The following DNMT3A variants were observed in gnomAD, a reference collection of about 807,000 sequenced individuals.
DNMT3A encodes DNA methyltransferase 3 alpha.
Under a neutral mutation model 117.6 loss-of-function variants are expected in DNMT3A, and 267 were observed. The ratio of observed to expected loss-of-function variants is 2.27; its 90% CI spans 2.05 to 2.51. The LOEUF (loss-of-function observed/expected upper bound fraction) is 2.51. Ranked by LOEUF, DNMT3A falls within the 30% of genes most tolerant of loss-of-function variation. The pLI is 0.00. For missense variants in DNMT3A, 1,029 were observed against 1,260.2 expected, an observed-to-expected ratio of 0.82 and a Z score of 2.78; for synonymous variants, 432 against 474.8, an observed-to-expected ratio of 0.91 and a Z score of 1.17.
At chr2:25,326,642 T>C (rs1382355727) in intron 1 of DNMT3A, among the ~76,000 whole-genome samples, 1 of 152,196 alleles carries the variant, frequency 6.6e-6, no homozygotes, top group African/African-American at 2.4e-5. Context: ...GTTCCTGCAT[T>C]GTATACAACT....
chr2:25,248,000 G>C lies in DNMT3A; in HGVS notation c.855+37C>G, dbSNP rs2149309723. 1 of 1,611,224 alleles carries C rather than the reference G, an allele frequency of 6.2e-7. No homozygotes were observed. The highest frequency in any genetic ancestry group is 8.5e-7 in the Non-Finnish European group (1 of 1,179,658). On this transcript the variant is annotated intron_variant, in intron 7 of 22. Coordinates refer to ENST00000321117, the MANE Select transcript of DNMT3A (RefSeq NM_022552.5). This position sits in a 1 kb window ranked among gnomAD's most constrained non-coding sequence, Gnocchi z 5.6. ...AGGAGCTGGCAGTGGAAGGCCCCCG[G>C]AAAGAGCTGGCCACGGCTGGTGAAG...
intron 6 of DNMT3A, among the ~76,000 whole-genome samples, chr2:25,249,400 C>A (rs906195651): frequency 6.6e-6 from 1 of 152,224 alleles, no homozygotes; most frequent in Non-Finnish European, 1.5e-5. Context: ...TGCTCAAACA[C>A]CATAGGAAGC....
intron 2 of DNMT3A, among the ~76,000 whole-genome samples, chr2:25,300,764 T>TAA (rs2033463525): frequency 6.5e-5 from 4 of 61,944 alleles, no homozygotes; most frequent in Admixed American, 2.1e-4. Flanking sequence ...TATATATATA[T>TAA]ATATAAATAA....
chr2:25,282,189 T>C lies in DNMT3A; in HGVS notation c.448+252A>G. ...TTTCATGAGAAGCCAAAACTCCAGA[T>C]TTTTATGTGAAATTTTTTGATTTTT... On this transcript the variant is annotated intron_variant, in intron 4 of 22. Transcript: ENST00000321117. The surrounding 1 kb of genome is among the most constrained non-coding windows in gnomAD (Gnocchi z 5.2). The C allele has an allele frequency of 5.7e-6, 7 of 1,237,166 alleles. No homozygotes were observed. Among genetic ancestry groups the C allele is most frequent in the Non-Finnish European group, 7.2e-6 (7 of 975,860 alleles). 76.6% of individuals were successfully genotyped at this position (1,237,166 alleles called of 1,614,324 possible).
intron 2 of DNMT3A, among the ~76,000 whole-genome samples, chr2:25,302,605 AG>A (rs1217660181): frequency 1.3e-5 from 2 of 152,154 alleles, no homozygotes; most frequent in African/African-American, 4.8e-5. Context: ...AGCCTTCATG[AG>A]GGCTCAGGGT....
rs1283507922 is a variant in DNMT3A, at chr2:25,243,895, C to T, written c.1936+3G>A. 3.9e-6 allele frequency: 6 copies of T among 1,551,930 alleles called. No individual in the cohort carries two copies. Among genetic ancestry groups the T allele is most frequent in the Non-Finnish European group, 5.2e-6 (6 of 1,147,028 alleles). Reference sequence around the variant, plus strand: ...CAGCACCTCTTGGGCCTGCACCCCTCACCTGTAGCGATTCCATCAAAGAGA... The same window carrying T: ...CAGCACCTCTTGGGCCTGCACCCCTTACCTGTAGCGATTCCATCAAAGAGA... On this transcript the variant is annotated splice_donor_region_variant and intron_variant, in intron 16 of 22. Transcript: ENST00000321117.
chr2:25,246,675 T>C lies in DNMT3A; in HGVS notation c.1224A>G (p.Glu408=), dbSNP rs1553413459. ...AAGGCTGGAAGCCCCCCAGGGCCCA[T>C]TCAATCATGGGCTTGTTCTGCACCT... The part of the protein sequence containing the change: ...AVEVQNKPMI[E]WALGGFQPSG... Residue 408 remains glutamate (E), a synonymous_variant, in exon 10 of 23, where the codon GAA becomes GAG. Coordinates refer to ENST00000321117, the MANE Select transcript of DNMT3A (RefSeq NM_022552.5). The C allele has an allele frequency of 1.2e-6, 2 of 1,613,668 alleles. No individual in the cohort carries two copies. Among genetic ancestry groups the C allele is most frequent in the Non-Finnish European group, 1.7e-6 (2 of 1,179,992 alleles).
rs907744546 is a variant in DNMT3A, at chr2:25,234,042, T to G, written c.*237A>C. On this transcript the variant is annotated 3_prime_UTR_variant, in exon 23 of 23. Transcript: ENST00000321117. This position sits in a 1 kb window ranked among gnomAD's most constrained non-coding sequence, Gnocchi z 4.5. ...GGAGGAAGGGAAGGGAGCTTGGTTT[T>G]GTTTTTAAATAGGACTGAAGAATAA... The G allele has an allele frequency of 1.1e-4, 51 of 447,092 alleles. No homozygotes were observed. The highest frequency in any genetic ancestry group is 1.8e-4 in the Non-Finnish European group (49 of 279,004). 27.7% of individuals were successfully genotyped at this position (447,092 alleles called of 1,614,324 possible). A position where few individuals can be genotyped will look rare whatever the true frequency, so the allele number is the denominator to read the frequency against.
At chr2:25,261,650 T>A (rs1053411647) in intron 6 of DNMT3A, among the ~76,000 whole-genome samples, 5 of 150,704 alleles carry the variant, frequency 3.3e-5, no homozygotes, top group African/African-American at 1.2e-4. Flanking sequence ...AATAGAAATG[T>A]ATATATTGTA....
intron 2 of DNMT3A, among the ~76,000 whole-genome samples, chr2:25,307,161 C>T (rs2033825099): frequency 6.6e-6 from 1 of 152,196 alleles, no homozygotes; most frequent in African/African-American, 2.4e-5. Context: ...CCCTTCCATG[C>T]AGCACAAACA....
chr2:25,261,260 G>A (rs948596795), intron 6 of DNMT3A, among the ~76,000 whole-genome samples: 6 of 151,884 alleles, frequency 4.0e-5, no homozygotes, highest in Non-Finnish European at 8.8e-5. Flanking sequence ...CCAACATGGT[G>A]AAACCCCGTC....
At chr2:25,250,816 C>A (rs1262307245) in intron 6 of DNMT3A, among the ~76,000 whole-genome samples, 1 of 152,198 alleles carries the variant, frequency 6.6e-6, no homozygotes, top group Non-Finnish European at 1.5e-5. Context: ...GTGCAGGTAG[C>A]AGTGGGCGGG....
At chr2:25,249,342 G>A (rs756669357) in intron 6 of DNMT3A, among the ~76,000 whole-genome samples, 36 of 152,140 alleles carry the variant, frequency 2.4e-4, no homozygotes, top group Non-Finnish European at 4.4e-4. Context: ...GTCTGCTGAC[G>A]AAGAAATCAC....
At chr2:25,302,767 C>T (rs756143568) in intron 2 of DNMT3A, among the ~76,000 whole-genome samples, 56 of 152,358 alleles carry the variant, frequency 3.7e-4, no homozygotes, top group Non-Finnish European at 6.5e-4. Flanking sequence ...ATTGGATCTA[C>T]ACAACTGCTA....
rs1463763895 is a variant in DNMT3A at position 25,293,303 on chromosome 2, CA to C, written c.177+6835del. Among the ~76,000 whole-genome samples, 2 of 152,244 alleles carry C rather than the reference CA, an allele frequency of 1.3e-5. No homozygotes were observed. The highest frequency in any genetic ancestry group is 4.8e-5 in the African/African-American group (2 of 41,460). ...GGCGCCCCTGCCCCCTCCCCTCTCC[CA>C]GCATGTGCTCATGCTCAGGGATGAA... On this transcript the variant is annotated intron_variant, in intron 3 of 22. Transcript: ENST00000321117. The surrounding 1 kb of genome is among the most constrained non-coding windows in gnomAD (Gnocchi z 4.7).
At chr2:25,284,577 G>A (rs2032140604) in intron 3 of DNMT3A, among the ~76,000 whole-genome samples, 1 of 136,388 alleles carries the variant, frequency 7.3e-6, no homozygotes, top group Non-Finnish European at 1.5e-5. Context: ...AATCCAGGAG[G>A]TAGAGGTTGC....
rs539305968 is a variant in DNMT3A at position 25,341,682 on chromosome 2, C to T, written c.-178+144G>A. ...CCGTCCCCGCCTGCAGTCCCGGCCC[C>T]ACGGGCGCCCGGCGCCGAGTTGCAG... is the stretch of plus-strand genomic sequence containing the variant. On this transcript the variant is annotated intron_variant, in intron 1 of 22. Coordinates refer to ENST00000321117, the MANE Select transcript of DNMT3A (RefSeq NM_022552.5). 6.5e-3 allele frequency: 3,628 copies of T among 558,078 alleles called. 14 individuals are homozygous for T. Among genetic ancestry groups the T allele is most frequent in the Middle Eastern group, 0.014 (15 of 1,100 alleles). The allele number at this position is 558,078 out of a possible 1,614,324, so 34.6% of individuals were successfully genotyped here.
intron 2 of DNMT3A, among the ~76,000 whole-genome samples, chr2:25,307,016 C>T (rs1429386975): frequency 6.6e-6 from 1 of 152,208 alleles, no homozygotes; most frequent in Non-Finnish European, 1.5e-5. Flanking sequence ...AGCCGTGTGG[C>T]CTCTCTAAGC....
In DNMT3A at chr2:25,248,238, G is replaced by A. The variant is rs780821153; in HGVS notation, c.654C>T (p.Ala218=). 1 of 1,611,878 alleles carries A rather than the reference G, an allele frequency of 6.2e-7. No homozygotes were observed. The highest frequency in any genetic ancestry group is 8.5e-7 in the Non-Finnish European group (1 of 1,179,478). ...CAGCATTCATTCCTGCAATGACCTT[G>A]GCTTTCTTCTCAGCCTGGGGAAACA... ...ARWKREAEKK[A]KVIAGMNAVE... The change falls in exon 7 of 23, where the codon GCC becomes GCT. Residue 218 remains alanine, a synonymous_variant. Coordinates refer to ENST00000321117, the MANE Select transcript of DNMT3A (RefSeq NM_022552.5).
Sources: allele counts gnomAD v4.1 joint callset (sites outside exome capture counted in the v4.1 genomes callset), GRCh38; gene constraint gnomAD v4.1.1; non-coding constraint Gnocchi (gnomAD v3.1); transcripts MANE v1.5; gene names NCBI Gene and HGNC (gene_info 2026-07-23, HGNC 2026-07-21).